Variants in GLYATL2 observed in about 807,000 individuals in gnomAD.
GLYATL2 encodes glycine-N-acyltransferase like 2.
In GLYATL2, 25 loss-of-function variants were observed where a neutral mutation model predicts 21.4. That is an observed-to-expected ratio of 1.17 (90% confidence interval 0.85 to 1.63). The LOEUF is 1.63. Ranked by LOEUF, GLYATL2 falls within the 40% of genes most tolerant of loss-of-function variation. The probability of loss-of-function intolerance (pLI) is 0.00; values close to 1 mark genes in which losing one functional copy is unlikely to be tolerated. For synonymous variants in GLYATL2, 114 were observed against 118.2 expected (o/e 0.96, Z 0.23); for missense variants, 361 against 343.3 (o/e 1.05, Z -0.41).
In GLYATL2 at chr11:58,837,199, G is replaced by A. The variant is rs148223613; in HGVS notation, c.314-22C>T. The A allele has an allele frequency of 1.1e-3, 1,836 of 1,613,276 alleles. 19 individuals carry two copies. The African/African-American group carries it at 0.016, about 14-fold the overall frequency. On this transcript the variant is annotated intron_variant, in intron 4 of 5. Coordinates refer to ENST00000287275, the MANE Select transcript of GLYATL2 (RefSeq NM_145016.4). ...CAACCTGGAGAAAGGAGAAAGACAAGTACCACTTTATGCCTTCCATATCGG... is the reference window on the plus strand; with the variant it reads ...CAACCTGGAGAAAGGAGAAAGACAAATACCACTTTATGCCTTCCATATCGG...
chr11:58,846,183 AT>A (rs776795662), upstream of GLYATL2, among the ~76,000 whole-genome samples: 11 of 151,900 alleles, frequency 7.2e-5, no homozygotes, highest in Admixed American at 1.3e-4. Context: ...GAGAACACAT[AT>A]TTTTTTTCTA....
At chr11:58,876,737 G>C (rs1406858142) in intron 1 of GLYATL2, among the ~76,000 whole-genome samples, 1 of 152,226 alleles carries the variant, frequency 6.6e-6, no homozygotes, top group East Asian at 1.9e-4. Context: ...TTGGGGGTCA[G>C]GGGCCCACTT....
At chr11:58,902,815 A>T (rs1252390237) in intron 1 of GLYATL2, among the ~76,000 whole-genome samples, 1 of 152,236 alleles carries the variant, frequency 6.6e-6, no homozygotes. Context: ...CTCTGTCCTC[A>T]GGGATGCTGG....
At chr11:58,864,322 C>G (rs143179429) in intron 1 of GLYATL2, among the ~76,000 whole-genome samples, 53 of 128,066 alleles carry the variant, frequency 4.1e-4, no homozygotes, top group African/African-American at 1.3e-3. Context: ...GGCCTGGTCC[C>G]AGGGACCATC....
intron 1 of GLYATL2, among the ~76,000 whole-genome samples, chr11:58,850,911 G>T (rs1853730003): frequency 6.6e-6 from 1 of 152,060 alleles, no homozygotes; most frequent in Non-Finnish European, 1.5e-5. Context: ...TTCTACTCTG[G>T]GCACCTGGCT....
intron 1 of GLYATL2, among the ~76,000 whole-genome samples, chr11:58,853,173 T>C (rs1221106447): frequency 2.0e-5 from 3 of 152,190 alleles, no homozygotes; most frequent in African/African-American, 7.2e-5. Flanking sequence ...GACCCCAAGA[T>C]TGTTTGAAGG....
upstream of GLYATL2, chr11:58,908,583 A>C (rs1590764075): frequency 5.6e-6 from 1 of 178,388 alleles, no homozygotes; most frequent in East Asian, 1.5e-4. Flanking sequence ...CACTGGAGAG[A>C]TAGTCTAACC....
chr11:58,869,786 G>A (rs979847349), intron 1 of GLYATL2, among the ~76,000 whole-genome samples: 2 of 152,236 alleles, frequency 1.3e-5, no homozygotes, highest in South Asian at 2.1e-4. Flanking sequence ...AAATAGAAAT[G>A]TCTTCAGAAT....
chr11:58,853,787 A>G (rs1156668325), intron 1 of GLYATL2, among the ~76,000 whole-genome samples: 1 of 152,228 alleles, frequency 6.6e-6, no homozygotes, highest in African/African-American at 2.4e-5. Context: ...TAATTAATAT[A>G]TGCACTATCA....
At chr11:58,841,592 T>A (rs1413041319) in intron 1 of GLYATL2, among the ~76,000 whole-genome samples, 1 of 152,168 alleles carries the variant, frequency 6.6e-6, no homozygotes, top group Non-Finnish European at 1.5e-5. Context: ...ACTTCAAAGA[T>A]GGACTACATG....
chr11:58,873,600 G>T (rs529701351), intron 1 of GLYATL2, among the ~76,000 whole-genome samples: 17 of 152,124 alleles, frequency 1.1e-4, no homozygotes, highest in Non-Finnish European at 2.5e-4. Flanking sequence ...ATTGATTTGA[G>T]TATGTTGAAC....
intron 1 of GLYATL2, chr11:58,892,988 G>T: frequency 6.5e-6 from 2 of 309,988 alleles, no homozygotes; most frequent in South Asian, 1.3e-4. Context: ...ACTTTGCAAT[G>T]GTAGGTCTTC....
At chr11:58,866,273 T>C (rs954800840) in intron 1 of GLYATL2, among the ~76,000 whole-genome samples, 2 of 149,078 alleles carry the variant, frequency 1.3e-5, no homozygotes, top group African/African-American at 2.4e-5. Context: ...TTTTCTGGGA[T>C]CCATTTAATT....
intron 1 of GLYATL2, among the ~76,000 whole-genome samples, chr11:58,869,366 A>C (rs1854076502): frequency 6.6e-6 from 1 of 152,176 alleles, no homozygotes; most frequent in African/African-American, 2.4e-5. Context: ...TGATGTTCTC[A>C]CATGGTGCTG....
chr11:58,891,968 GTTC>G (rs1854552076), intron 1 of GLYATL2, among the ~76,000 whole-genome samples: 2 of 152,112 alleles, frequency 1.3e-5, no homozygotes, highest in Non-Finnish European at 2.9e-5. Flanking sequence ...TCCTGTCTTT[GTTC>G]TTTATCTAAT....
At chr11:58,900,078 T>TC (rs1309553429) in intron 1 of GLYATL2, among the ~76,000 whole-genome samples, 1 of 152,186 alleles carries the variant, frequency 6.6e-6, no homozygotes, top group Non-Finnish European at 1.5e-5. Flanking sequence ...TAAAAAAACC[T>TC]CCTCTGCTTT....
At chr11:58,837,527 C>T in intron 3 of GLYATL2, 130 bp from the exon 4 acceptor site, 2 of 825,774 alleles carry the variant, frequency 2.4e-6, no homozygotes, top group East Asian at 2.7e-5. Context: ...TAGAAAATGG[C>T]CTTGGAGTCA....
chr11:58,887,330 G>A (rs748171646), intron 1 of GLYATL2, among the ~76,000 whole-genome samples: 9 of 152,082 alleles, frequency 5.9e-5, no homozygotes, highest in South Asian at 2.1e-4. Flanking sequence ...AGTATACCAC[G>A]TTTCTTTCAG....
Position 58,899,622 on chromosome 11 carries a change from C to T in GLYATL2, n.60+4534G>A, listed in dbSNP as rs183323814. On this transcript the variant is annotated intron_variant and non_coding_transcript_variant, in intron 1 of 4. Transcript: ENST00000533636. ...AAGACTGGCATTTGACAGACAGCTG[C>T]AGAAAGAAGGAACAGAGCCAAGCAC... Among the ~76,000 whole-genome samples, 40 of 152,046 alleles carry T rather than the reference C, an allele frequency of 2.6e-4. 3 individuals are homozygous for T. Among genetic ancestry groups the T allele is most frequent in the Admixed American group, 2.4e-3 (36 of 15,276 alleles).
Sources: gnomAD v4.1 joint callset for allele counts (sites outside exome capture counted in the v4.1 genomes callset) on GRCh38, gnomAD v4.1.1 for gene constraint, MANE v1.5 for transcripts, NCBI Gene and HGNC (gene_info 2026-07-23, HGNC 2026-07-21) for gene names.